Variants in PPP2R2D observed in about 807,000 individuals in gnomAD.
PPP2R2D encodes the protein protein phosphatase 2 regulatory subunit Bdelta.
Under a neutral mutation model 31.1 loss-of-function variants are expected in PPP2R2D, and 9 were observed. The observed-to-expected ratio is 0.29, with a 90% CI of 0.17 to 0.51. PPP2R2D has a LOEUF of 0.51. PPP2R2D is among the 20% of genes least tolerant of loss of function. The pLI is 0.98. For synonymous variants in PPP2R2D, 179 were observed against 172.6 expected (o/e 1.04, Z -0.29); for missense variants, 391 against 465.6 (o/e 0.84, Z 1.48).
intron 2 of PPP2R2D, among the ~76,000 whole-genome samples, chr10:131,915,774 C>T (rs1159916975): frequency 1.3e-5 from 2 of 152,160 alleles, no homozygotes; most frequent in African/African-American, 4.8e-5. Context: ...ATGTTGACTT[C>T]GTTTATGGTA....
rs1042564231 is a variant in PPP2R2D at position 131,945,753 on chromosome 10, G to A, written c.820+294G>A. 4.4e-5 allele frequency: 14 copies of A among 315,006 alleles called. No individual in the cohort carries two copies. The highest frequency in any genetic ancestry group is 3.0e-4 in the South Asian group (5 of 16,488). The allele number at this position is 315,006 out of a possible 1,614,324, so 19.5% of individuals were successfully genotyped here. ...GGTGTGAGTCACCGCACCTGGTCAC[G>A]CCTGGCGTCTTTTAAAGCATCTCAT... is the stretch of plus-strand genomic sequence containing the variant. On this transcript the variant is annotated intron_variant, in intron 7 of 8. Transcript: ENST00000455566. This position sits in a 1 kb window ranked among gnomAD's most constrained non-coding sequence, Gnocchi z 4.8.
At chr10:131,907,149 T>C (rs2070031236) in intron 2 of PPP2R2D, among the ~76,000 whole-genome samples, 2 of 152,130 alleles carry the variant, frequency 1.3e-5, no homozygotes. Flanking sequence ...TCATATTTAT[T>C]GATTTCTTCT....
Position 131,940,077 on chromosome 10 carries a change from C to A in PPP2R2D, c.245C>A (p.Thr82Asn), listed in dbSNP as rs782488766. 5.1e-6 allele frequency: 4 copies of A among 776,806 alleles called. No homozygotes were observed. The African/African-American group carries it at 6.8e-5, about 13-fold the overall frequency. The allele number at this position is 776,806 out of a possible 1,614,324, so 48.1% of individuals were successfully genotyped here. The change falls in exon 4 of 9, where the codon ACC (threonine) becomes AAC (asparagine). Residue 82 changes from threonine (T) to asparagine (N), a missense_variant. By Grantham distance (65) the Thr-to-Asn change is moderately conservative. Transcript: ENST00000455566. ...HSRGEYNVYS[T>N]FQSHEPEFDY... ...AGGGGAGAATATAATGTTTACAGCA[C>A]CTTTCAAAGTCATGAACCGGAGTTT...
chr10:131,962,049 G>T (rs960520289), downstream of PPP2R2D, among the ~76,000 whole-genome samples: 2 of 152,164 alleles, frequency 1.3e-5, no homozygotes, highest in East Asian at 3.9e-4. Context: ...CCGGTGCCCG[G>T]GACTCTGCTT....
At chr10:131,915,309 C>T (rs2035758495) in intron 2 of PPP2R2D, among the ~76,000 whole-genome samples, 1 of 152,062 alleles carries the variant, frequency 6.6e-6, no homozygotes, top group African/African-American at 2.4e-5. Context: ...TTGAAGGCTG[C>T]GTCTCAGCTT....
chr10:131,967,030 GC>G, the PPP2R2D span: 2 of 152,166 alleles, frequency 1.3e-5, no homozygotes, highest in African/African-American at 4.8e-5. Context: ...ACAGGCACGT[GC>G]CACTGCGCCC....
rs1554900195 is a variant in PPP2R2D at position 131,957,353 on chromosome 10, CCT to C, written c.*1391_*1392del. ...TGGAGAAGGAGGTGTGTGCTGATCC[CCT>C]GTGCCCTGTGGAGATGGAGGTGTGT... On this transcript the variant is annotated 3_prime_UTR_variant, in exon 9 of 9. Coordinates refer to ENST00000455566, the MANE Select transcript of PPP2R2D (RefSeq NM_018461.5). 1 of 206,752 alleles carries C rather than the reference CCT, an allele frequency of 4.8e-6. No individual in the cohort carries two copies. The highest frequency in any genetic ancestry group is 9.9e-6 in the Non-Finnish European group (1 of 100,702). The allele number at this position is 206,752 out of a possible 1,614,324, so 12.8% of individuals were successfully genotyped here.
downstream of PPP2R2D, among the ~76,000 whole-genome samples, chr10:131,960,776 G>C (rs1217320075): frequency 2.6e-5 from 4 of 152,210 alleles, no homozygotes; most frequent in African/African-American, 4.8e-5. Flanking sequence ...TGTGCTGTGC[G>C]TCCTTGGCCA....
At chr10:131,908,297 A>G (rs1205806151) in intron 2 of PPP2R2D, among the ~76,000 whole-genome samples, 1 of 151,984 alleles carries the variant, frequency 6.6e-6, no homozygotes, top group Non-Finnish European at 1.5e-5. Context: ...TGCCTAGAGT[A>G]TTTATTTTGC....
At chr10:131,906,289 C>T (rs1304003871) in intron 2 of PPP2R2D, among the ~76,000 whole-genome samples, 2 of 152,200 alleles carry the variant, frequency 1.3e-5, no homozygotes, top group African/African-American at 4.8e-5. Context: ...TTGATAACAG[C>T]TGGTTCCTTT....
intron 2 of PPP2R2D, among the ~76,000 whole-genome samples, chr10:131,924,667 G>A (rs1404752444): frequency 6.7e-6 from 1 of 150,362 alleles, no homozygotes; most frequent in Non-Finnish European, 1.5e-5. Flanking sequence ...ACTTCCATAT[G>A]ATTCTAGAAT....
At chr10:131,932,008 C>G (rs1347735892) in intron 2 of PPP2R2D, among the ~76,000 whole-genome samples, 2 of 151,022 alleles carry the variant, frequency 1.3e-5, no homozygotes, top group African/African-American at 4.9e-5. Context: ...TTTGTTAAAG[C>G]TGCTCACATA....
In PPP2R2D at chr10:131,956,683, C is replaced by A; in HGVS notation, c.*720C>A. ...GGGGTATGTGTGCAGCATTTCTGTC[C>A]CCAAGCTGCTGCCCGCTGTGTTTCT... On this transcript the variant is annotated 3_prime_UTR_variant, in exon 9 of 9. Transcript: ENST00000455566. 1.9e-6 allele frequency: 1 copy of A among 512,944 alleles called. No homozygotes were observed. Among genetic ancestry groups the A allele is most frequent in the Non-Finnish European group, 2.5e-6 (1 of 398,258 alleles). The allele number at this position is 512,944 out of a possible 1,614,324, so 31.8% of individuals were successfully genotyped here.
intron 2 of PPP2R2D, among the ~76,000 whole-genome samples, chr10:131,908,041 G>A (rs1471667439): frequency 6.6e-6 from 1 of 152,176 alleles, no homozygotes; most frequent in East Asian, 1.9e-4. Context: ...CAAACAATGT[G>A]CAGTGCTGTT....
At chr10:131,902,533 A>G (rs1329297429) in intron 2 of PPP2R2D, among the ~76,000 whole-genome samples, 4 of 152,182 alleles carry the variant, frequency 2.6e-5, no homozygotes, top group Non-Finnish European at 5.9e-5. Flanking sequence ...CGTAATATAT[A>G]TGGTTTGAGA....
chr10:131,902,600 A>G (rs2035518292), intron 2 of PPP2R2D, among the ~76,000 whole-genome samples: 1 of 152,232 alleles, frequency 6.6e-6, no homozygotes, highest in Non-Finnish European at 1.5e-5. Flanking sequence ...ATTTCTTTAA[A>G]ATGCATTACT....
intron 2 of PPP2R2D, among the ~76,000 whole-genome samples, chr10:131,903,234 A>C (rs975978498): frequency 6.6e-6 from 1 of 152,094 alleles, no homozygotes; most frequent in African/African-American, 2.4e-5. Context: ...TGGGAGGCCA[A>C]GGTGGACAGA....
chr10:131,923,055 G>T (rs938364753), intron 2 of PPP2R2D, among the ~76,000 whole-genome samples: 1 of 152,084 alleles, frequency 6.6e-6, no homozygotes, highest in Non-Finnish European at 1.5e-5. Flanking sequence ...TGAAGTGTGC[G>T]GGTGAATATT....
chr10:131,910,967 T>A (rs1465675857), intron 2 of PPP2R2D, among the ~76,000 whole-genome samples: 1 of 152,174 alleles, frequency 6.6e-6, no homozygotes, highest in African/African-American at 2.4e-5. Flanking sequence ...GAGCTCTGTG[T>A]CTCAGCCCCC....
Sources: gnomAD v4.1 joint callset for allele counts (sites outside exome capture counted in the v4.1 genomes callset) on GRCh38, gnomAD v4.1.1 for gene constraint, Gnocchi (gnomAD v3.1) non-coding constraint, MANE v1.5 for transcripts, NCBI Gene and HGNC (gene_info 2026-07-23, HGNC 2026-07-21) for gene names.